Variants in ENTREP2 observed in about 807,000 individuals in gnomAD.
ENTREP2 encodes the protein protein ENTREP2.
the ENTREP2 span, among the ~76,000 whole-genome samples, chr15:29,421,307 A>G: frequency 6.6e-6 from 1 of 152,240 alleles, no homozygotes; most frequent in African/African-American, 2.4e-5. Context: ...AATACTGACT[A>G]AATTAAACTT....
chr15:29,250,038 A>G, the ENTREP2 span, among the ~76,000 whole-genome samples: 252 of 152,080 alleles, frequency 1.7e-3, 1 homozygote, highest in Non-Finnish European at 2.3e-3. Flanking sequence ...CCATGATCCA[A>G]TCACCTCCCA....
At chr15:29,230,708 G>A in the ENTREP2 span, among the ~76,000 whole-genome samples, 1 of 152,134 alleles carries the variant, frequency 6.6e-6, no homozygotes, top group South Asian at 2.1e-4. Context: ...AAAGGGAAAG[G>A]AGATTAGAGT....
the ENTREP2 span, among the ~76,000 whole-genome samples, chr15:29,408,936 C>T: frequency 1.3e-5 from 2 of 152,126 alleles, no homozygotes; most frequent in Non-Finnish European, 2.9e-5. Context: ...AATACAAGGA[C>T]ATTTTTCTAT....
chr15:29,143,779 C>T, the ENTREP2 span, among the ~76,000 whole-genome samples: 1 of 152,092 alleles, frequency 6.6e-6, no homozygotes, highest in Non-Finnish European at 1.5e-5. Context: ...CAACCAAAGC[C>T]ACAACTGAAT....
chr15:29,489,724 C>T, the ENTREP2 span, among the ~76,000 whole-genome samples: 1 of 152,178 alleles, frequency 6.6e-6, no homozygotes, highest in African/African-American at 2.4e-5. Flanking sequence ...TGAAGGAGAA[C>T]TTAACAGCAC....
At chr15:29,479,684 TACACACACAC>T in the ENTREP2 span, among the ~76,000 whole-genome samples, 1 of 148,120 alleles carries the variant, frequency 6.8e-6, no homozygotes, top group African/African-American at 2.5e-5. Context: ...CACACATACA[TACACACACAC>T]ACACACACAC....
At chr15:29,401,234 C>A in the ENTREP2 span, among the ~76,000 whole-genome samples, 1 of 151,848 alleles carries the variant, frequency 6.6e-6, no homozygotes, top group Admixed American at 6.6e-5. Flanking sequence ...ACCCATAAAA[C>A]CAAAGGCTGG....
At chr15:29,381,623 C>A in the ENTREP2 span, 1 of 652,364 alleles carries the variant, frequency 1.5e-6, no homozygotes, top group Non-Finnish European at 2.7e-6. Flanking sequence ...TCTCACAAGC[C>A]CATCAGCATT....
the ENTREP2 span, among the ~76,000 whole-genome samples, chr15:29,382,370 CA>C: frequency 3.3e-5 from 5 of 152,088 alleles, no homozygotes; most frequent in Non-Finnish European, 4.4e-5. Flanking sequence ...CTGGGCATGG[CA>C]GACCCTGCAG....
At chr15:29,366,202 T>C in the ENTREP2 span, among the ~76,000 whole-genome samples, 1 of 152,110 alleles carries the variant, frequency 6.6e-6, no homozygotes, top group Non-Finnish European at 1.5e-5. Flanking sequence ...GCCTCCTGAG[T>C]AGCTGGGACT....
chr15:29,408,688 G>T, the ENTREP2 span, among the ~76,000 whole-genome samples: 3 of 151,646 alleles, frequency 2.0e-5, no homozygotes, highest in Non-Finnish European at 4.4e-5. Context: ...GTCTTTTTTT[G>T]TTGTTGTTCA....
the ENTREP2 span, among the ~76,000 whole-genome samples, chr15:29,264,567 A>T: frequency 3.4e-3 from 522 of 152,320 alleles, 2 homozygotes; most frequent in African/African-American, 0.012. Context: ...CATAATTCAA[A>T]TCCAATCATG....
At chr15:29,649,970 A>T in the ENTREP2 span, among the ~76,000 whole-genome samples, 1 of 152,116 alleles carries the variant, frequency 6.6e-6, no homozygotes, top group Non-Finnish European at 1.5e-5. Flanking sequence ...TATATGCCTC[A>T]TCTGTACTAT....
chr15:29,662,211 C>CAAAAAAAAAAAAAA, the ENTREP2 span, among the ~76,000 whole-genome samples: 1 of 46,944 alleles, frequency 2.1e-5, no homozygotes, highest in Non-Finnish European at 4.3e-5. Flanking sequence ...AACCCTGTCG[C>CAAAAAAAAAAAAAA]AAAAAAAAAA....
chr15:29,329,307 G>A, the ENTREP2 span, among the ~76,000 whole-genome samples: 2 of 151,190 alleles, frequency 1.3e-5, no homozygotes. Flanking sequence ...AGGTTGCAGT[G>A]AGCTGCGATC....
At chr15:29,570,888 G>A in the ENTREP2 span, among the ~76,000 whole-genome samples, 5 of 144,948 alleles carry the variant, frequency 3.4e-5, no homozygotes, top group African/African-American at 1.2e-4. Flanking sequence ...CGGGCCGGGC[G>A]GGGAGCCGGG....
At chr15:29,510,809 CAA>C in the ENTREP2 span, among the ~76,000 whole-genome samples, 116 of 124,180 alleles carry the variant, frequency 9.3e-4, no homozygotes, top group East Asian at 1.8e-3. Context: ...GACTCCATCT[CAA>C]AAAAAAAAAA....
At chr15:29,448,218 C>T in the ENTREP2 span, among the ~76,000 whole-genome samples, 2 of 152,160 alleles carry the variant, frequency 1.3e-5, no homozygotes, top group African/African-American at 4.8e-5. Flanking sequence ...CACCATTCTC[C>T]GTTGACACAA....
the ENTREP2 span, among the ~76,000 whole-genome samples, chr15:29,652,970 A>G: frequency 6.6e-6 from 1 of 152,186 alleles, no homozygotes; most frequent in African/African-American, 2.4e-5. Flanking sequence ...CCAGAAAAAT[A>G]ACACCCAAAA....
Sources: gnomAD v4.1 joint callset for allele counts (sites outside exome capture counted in the v4.1 genomes callset) on GRCh38, gnomAD v4.1.1 for gene constraint, MANE v1.5 for transcripts, NCBI Gene and HGNC (gene_info 2026-07-23, HGNC 2026-07-21) for gene names.